NIBAN1: variants seen among roughly 807,000 people sequenced by gnomAD.
NIBAN1 encodes the protein niban apoptosis regulator 1.
NIBAN1 carries 81 observed loss-of-function variants against 75.1 expected under a neutral mutation model. The ratio of observed to expected loss-of-function variants is 1.08; its 90% CI spans 0.90 to 1.30. The LOEUF (loss-of-function observed/expected upper bound fraction) is 1.30. NIBAN1 is among the 50% of genes most tolerant of loss of function. The pLI, the probability that NIBAN1 is intolerant of heterozygous loss-of-function variation, is 0.00. For missense variants in NIBAN1, 1,133 were observed against 1,128.1 expected, an observed-to-expected ratio of 1.00 and a Z score of -0.06; for synonymous variants, 436 against 424.8, an observed-to-expected ratio of 1.03 and a Z score of -0.32.
At position 184,961,626 on chromosome 1, in the gene NIBAN1, C is replaced by T. The variant is rs140147189; in HGVS notation, c.55+12676G>A. Among the ~76,000 whole-genome samples the T allele has an allele frequency of 3.5e-3, 537 of 152,288 alleles. 6 individuals are homozygous for T. Among genetic ancestry groups the T allele is most frequent in the African/African-American group, 0.012 (510 of 41,546 alleles). On this transcript the variant is annotated intron_variant, in intron 1 of 13. Transcript: ENST00000367511. ...TTCTGTTTGGGTATCCATGACCCTC[C>T]CTATAACCATGTGCTTCAGAGAAAT...
chr1:184,956,652 G>T (rs1557930156), intron 1 of NIBAN1, among the ~76,000 whole-genome samples: 1 of 152,114 alleles, frequency 6.6e-6, no homozygotes. Flanking sequence ...CCATATCACA[G>T]ATTTTAAAAA....
chr1:184,875,371 T>G (rs1375744458), intron 5 of NIBAN1, among the ~76,000 whole-genome samples: 1 of 152,206 alleles, frequency 6.6e-6, no homozygotes, highest in Non-Finnish European at 1.5e-5. Flanking sequence ...CTCATGAAGC[T>G]GCAGTCACAT....
intron 1 of NIBAN1, among the ~76,000 whole-genome samples, chr1:184,949,549 C>T (rs1658309876): frequency 6.6e-6 from 1 of 152,184 alleles, no homozygotes; most frequent in South Asian, 2.1e-4. Flanking sequence ...AGTTATATAA[C>T]TTGCGCAAAG....
At chr1:184,927,814 T>C (rs1213685458) in intron 1 of NIBAN1, among the ~76,000 whole-genome samples, 2 of 151,914 alleles carry the variant, frequency 1.3e-5, no homozygotes, top group Non-Finnish European at 2.9e-5. Flanking sequence ...TCAGAAACCT[T>C]AGGAATCTAC....
intron 5 of NIBAN1, among the ~76,000 whole-genome samples, chr1:184,842,826 G>A (rs922464486): frequency 6.6e-6 from 1 of 151,620 alleles, no homozygotes; most frequent in African/African-American, 2.4e-5. Flanking sequence ...CAACAGACCT[G>A]GAATTGGATC....
intron 1 of NIBAN1, among the ~76,000 whole-genome samples, chr1:184,940,448 G>C (rs1658064019): frequency 6.6e-6 from 1 of 152,184 alleles, no homozygotes; most frequent in African/African-American, 2.4e-5. Context: ...TAATACCACA[G>C]ACTTCTCCCA....
intron 5 of NIBAN1, among the ~76,000 whole-genome samples, chr1:184,875,476 C>G (rs1656207279): frequency 3.3e-5 from 5 of 152,180 alleles, no homozygotes; most frequent in Admixed American, 3.3e-4. Context: ...CTACATGGGC[C>G]TCTCCAGAGG....
chr1:184,864,988 C>CAAAAAAAAAAAAAAAAAAAA (rs200197955), intron 5 of NIBAN1, among the ~76,000 whole-genome samples: 3 of 61,248 alleles, frequency 4.9e-5, no homozygotes, highest in Non-Finnish European at 7.6e-5. Context: ...CTAAAGAGGT[C>CAAAAAAAAAAAAAAAAAAAA]AAAAAAAAAA....
intron 11 of NIBAN1, among the ~76,000 whole-genome samples, chr1:184,805,719 T>C (rs1049627756): frequency 3.3e-5 from 5 of 152,242 alleles, no homozygotes; most frequent in Middle Eastern, 3.4e-3. Context: ...GCGGGGCCTG[T>C]AGCTGTGGGT....
At chr1:184,858,804 T>C (rs1228373274) in intron 5 of NIBAN1, among the ~76,000 whole-genome samples, 1 of 152,114 alleles carries the variant, frequency 6.6e-6, no homozygotes, top group Admixed American at 6.5e-5. Context: ...AAGAGAATGG[T>C]TGAATCATGT....
intron 5 of NIBAN1, among the ~76,000 whole-genome samples, chr1:184,853,484 A>G (rs931996883): frequency 1.3e-5 from 2 of 152,230 alleles, no homozygotes; most frequent in African/African-American, 4.8e-5. Context: ...TTACATTTGA[A>G]TTCAAATGAG....
chr1:184,835,253 G>A (rs567206686), intron 5 of NIBAN1, among the ~76,000 whole-genome samples: 52 of 152,314 alleles, frequency 3.4e-4, no homozygotes, highest in Middle Eastern at 3.4e-3. Context: ...TACCCTTGTA[G>A]TATAGTTTGA....
At chr1:184,844,377 A>G (rs686534) in intron 5 of NIBAN1, among the ~76,000 whole-genome samples, 2 of 152,096 alleles carry the variant, frequency 1.3e-5, no homozygotes, top group Non-Finnish European at 2.9e-5. Context: ...TGATGATGCT[A>G]TCTGGGAATA....
intron 1 of NIBAN1, among the ~76,000 whole-genome samples, chr1:184,913,919 C>T (rs544192730): frequency 4.6e-5 from 7 of 152,298 alleles, no homozygotes; most frequent in African/African-American, 1.4e-4. Context: ...AGATTAATGG[C>T]TGTCATCTGT....
intron 1 of NIBAN1, among the ~76,000 whole-genome samples, chr1:184,954,320 C>T (rs891432781): frequency 4.6e-5 from 7 of 152,166 alleles, no homozygotes; most frequent in African/African-American, 9.7e-5. Context: ...CTGCTATCCA[C>T]GGTGCCACCT....
At chr1:184,866,219 T>C (rs1454224169) in intron 5 of NIBAN1, among the ~76,000 whole-genome samples, 1 of 152,064 alleles carries the variant, frequency 6.6e-6, no homozygotes, top group African/African-American at 2.4e-5. Context: ...GTGATGGAAG[T>C]AAGGACAGGT....
rs1047000580 is a variant in NIBAN1 at position 184,830,976 on chromosome 1, G to A, written c.717+871C>T. 4.8e-5 allele frequency among the ~76,000 whole-genome samples: 7 copies of A among 146,438 alleles called. No homozygotes were observed. The Admixed American group carries it at 4.8e-4, about 10-fold the overall frequency. On this transcript the variant is annotated intron_variant, in intron 6 of 13. Transcript: ENST00000367511. Reference sequence around the variant, plus strand: ...GATTGCGCCACTGTACTCCAGCCTGGGCCACAGAGCGAGACTCCTCTCAAA... The same window carrying A: ...GATTGCGCCACTGTACTCCAGCCTGAGCCACAGAGCGAGACTCCTCTCAAA...
At chr1:184,805,681 C>T (rs2273850) in intron 11 of NIBAN1, among the ~76,000 whole-genome samples, 89 of 152,210 alleles carry the variant, frequency 5.8e-4, no homozygotes, top group African/African-American at 2.0e-3. Context: ...ACGTGTTTGT[C>T]GAGTTGGATC....
At chr1:184,890,456 T>C (rs1416900420) in intron 3 of NIBAN1, among the ~76,000 whole-genome samples, 1 of 152,180 alleles carries the variant, frequency 6.6e-6, no homozygotes, top group Non-Finnish European at 1.5e-5. Context: ...GAGTCCCTAA[T>C]CTCAGGGAGA....
Sources: allele counts gnomAD v4.1 joint callset (sites outside exome capture counted in the v4.1 genomes callset), GRCh38; gene constraint gnomAD v4.1.1; transcripts MANE v1.5; gene names NCBI Gene and HGNC (gene_info 2026-07-23, HGNC 2026-07-21).